The following TRHR variants were observed in gnomAD, a reference collection of about 807,000 sequenced individuals.
TRHR encodes the protein thyrotropin-releasing hormone receptor.
Under a neutral mutation model 28.0 loss-of-function variants are expected in TRHR, and 14 were observed. That is an observed-to-expected ratio of 0.50 (90% CI 0.33 to 0.78). TRHR has a LOEUF of 0.78. Ranked by LOEUF, TRHR falls within the 30% of genes least tolerant of loss-of-function variation. The pLI is 0.02. For missense variants in TRHR, 438 were observed against 469.5 expected (o/e 0.93, Z 0.62); for synonymous variants, 176 against 171.9 (o/e 1.02, Z -0.18).
In TRHR at chr8:109,099,148, C is replaced by T. The variant is rs539040753; in HGVS notation, c.789+10847C>T. 1.1e-3 allele frequency among the ~76,000 whole-genome samples: 165 copies of T among 146,866 alleles called. 2 individuals carry two copies. The South Asian group carries it at 0.029, about 25-fold the overall frequency. ...GAAAGAAATTGTAAGGGAGAGATTA[C>T]AGAGAGACATCAAGAGGAGGAGTTT... On this transcript the variant is annotated intron_variant, in intron 2 of 2. Coordinates refer to ENST00000518632, the MANE Select transcript of TRHR (RefSeq NM_003301.7).
chr8:109,106,405 T>A (rs1245483999), intron 2 of TRHR, among the ~76,000 whole-genome samples: 1 of 152,152 alleles, frequency 6.6e-6, no homozygotes, highest in Non-Finnish European at 1.5e-5. Context: ...CGATCAATAT[T>A]CAGTAATAGG....
At chr8:109,102,961 C>T (rs894880473) in intron 2 of TRHR, among the ~76,000 whole-genome samples, 5 of 151,990 alleles carry the variant, frequency 3.3e-5, no homozygotes, top group Non-Finnish European at 7.4e-5. Flanking sequence ...AGGGACACAC[C>T]CAAAACAGGT....
chr8:109,101,222 A>C (rs1394554571), intron 2 of TRHR, among the ~76,000 whole-genome samples: 1 of 152,186 alleles, frequency 6.6e-6, no homozygotes, highest in East Asian at 1.9e-4. Flanking sequence ...GGCCTAACAG[A>C]ATAAGGTAAA....
intron 2 of TRHR, among the ~76,000 whole-genome samples, chr8:109,104,296 C>T (rs1194846763): frequency 6.6e-6 from 1 of 152,038 alleles, no homozygotes; most frequent in Non-Finnish European, 1.5e-5. Flanking sequence ...CTTTCAAAAG[C>T]ACCAAAAATT....
At chr8:109,100,012 G>A (rs1447838251) in intron 2 of TRHR, among the ~76,000 whole-genome samples, 1 of 152,154 alleles carries the variant, frequency 6.6e-6, no homozygotes, top group Non-Finnish European at 1.5e-5. Context: ...CAGGGTGAAT[G>A]CAGAGCACCC....
At chr8:109,114,928 T>C (rs1467851471) in intron 2 of TRHR, among the ~76,000 whole-genome samples, 1 of 152,004 alleles carries the variant, frequency 6.6e-6, no homozygotes, top group Admixed American at 6.6e-5. Flanking sequence ...TGATACACAG[T>C]AGGGATGCAA....
At chr8:109,114,749 T>A (rs1173215440) in intron 2 of TRHR, among the ~76,000 whole-genome samples, 1 of 152,088 alleles carries the variant, frequency 6.6e-6, no homozygotes, top group East Asian at 1.9e-4. Context: ...CCCCTGCTAA[T>A]GACTTCTCAA....
intron 2 of TRHR, among the ~76,000 whole-genome samples, 187 bp downstream of exon 2, chr8:109,088,488 A>G (rs1191414937): frequency 9.1e-6 from 1 of 109,834 alleles, no homozygotes; most frequent in Non-Finnish European, 2.2e-5. Flanking sequence ...CTAAAAATAG[A>G]TAGGGAAAAT....
At position 109,087,474 on chromosome 8, in the gene TRHR, G is replaced by T; in HGVS notation, c.-39G>T. 6.2e-7 allele frequency: 1 copy of T among 1,611,574 alleles called. No homozygotes were observed. The highest frequency in any genetic ancestry group is 1.1e-5 in the South Asian group (1 of 91,002). The stretch of plus-strand genomic sequence containing the variant: ...GTGGGCGCTGGAAAGAAGATGTTTT[G>T]AGAAGTCAGTGTTTCCGAGAAACTT... On this transcript the variant is annotated 5_prime_UTR_variant, in exon 2 of 3. The change abolishes the stop of an existing upstream ORF in the 5' untranslated region. Transcript: ENST00000518632.
At chr8:109,106,993 A>T (rs1212099241) in intron 2 of TRHR, among the ~76,000 whole-genome samples, 3 of 152,204 alleles carry the variant, frequency 2.0e-5, no homozygotes, top group Admixed American at 1.3e-4. Flanking sequence ...AAATGAATAG[A>T]CAGGGAGACA....
At chr8:109,106,175 T>G (rs1811748654) in intron 2 of TRHR, among the ~76,000 whole-genome samples, 1 of 152,148 alleles carries the variant, frequency 6.6e-6, no homozygotes, top group Non-Finnish European at 1.5e-5. Context: ...TATTGGAGCC[T>G]GCTTATTTCA....
rs138922461 is a variant in TRHR, at chr8:109,088,934, A to G, written c.789+633A>G. On this transcript the variant is annotated intron_variant, in intron 2 of 2. Coordinates refer to ENST00000518632, the MANE Select transcript of TRHR (RefSeq NM_003301.7). ...AGGAAATGTTCCAATAAAAAAGACAACATCAAGCTCAATTTTTCATAAAGA... is the reference window on the plus strand; with the variant it reads ...AGGAAATGTTCCAATAAAAAAGACAGCATCAAGCTCAATTTTTCATAAAGA... Among the ~76,000 whole-genome samples, 3 of 152,288 alleles carry G rather than the reference A, an allele frequency of 2.0e-5. No individual in the cohort carries two copies. In the East Asian group the frequency reaches 5.8e-4, roughly 29 times the overall value.
At chr8:109,116,661 T>A (rs1265089906) in intron 2 of TRHR, among the ~76,000 whole-genome samples, 1 of 152,118 alleles carries the variant, frequency 6.6e-6, no homozygotes, top group Non-Finnish European at 1.5e-5. Context: ...CCCTTTATCA[T>A]TTTTTATTGT....
intron 2 of TRHR, among the ~76,000 whole-genome samples, chr8:109,101,712 C>T (rs1811679700): frequency 6.6e-6 from 1 of 152,030 alleles, no homozygotes; most frequent in Non-Finnish European, 1.5e-5. Context: ...GTACTTGAAG[C>T]GTCTATAAAA....
intron 2 of TRHR, 51 bp from the exon 3 acceptor site, chr8:109,118,997 T>G (rs751565771): frequency 6.2e-7 from 1 of 1,609,486 alleles, no homozygotes; most frequent in Non-Finnish European, 8.5e-7. Context: ...AAGGGGGTTT[T>G]GTTTTGTTTT....
At position 109,087,454 on chromosome 8, in the gene TRHR, C is replaced by T. The variant is rs1457756175; in HGVS notation, c.-59C>T. On this transcript the variant is annotated 5_prime_UTR_variant, in exon 2 of 3. Coordinates refer to ENST00000518632, the MANE Select transcript of TRHR (RefSeq NM_003301.7). ...ATGGAACTGCTGCAATAAAGGTGGG[C>T]GCTGGAAAGAAGATGTTTTGAGAAG... 13 of 1,585,272 alleles carry T rather than the reference C, an allele frequency of 8.2e-6. No homozygotes were observed. The highest frequency in any genetic ancestry group is 3.3e-5 in the South Asian group (3 of 90,230).
intron 2 of TRHR, among the ~76,000 whole-genome samples, chr8:109,111,348 T>C (rs1811827911): frequency 6.6e-6 from 1 of 152,164 alleles, no homozygotes; most frequent in African/African-American, 2.4e-5. Flanking sequence ...AAAATTTAAA[T>C]AGTCATTGAT....
At chr8:109,108,156 G>A (rs1047658428) in intron 2 of TRHR, among the ~76,000 whole-genome samples, 2 of 152,148 alleles carry the variant, frequency 1.3e-5, no homozygotes, top group African/African-American at 2.4e-5. Flanking sequence ...CCAGCTCTAC[G>A]ATGAGGGACT....
chr8:109,098,533 C>CT (rs1465444954), intron 2 of TRHR, among the ~76,000 whole-genome samples: 2 of 152,134 alleles, frequency 1.3e-5, no homozygotes, highest in African/African-American at 4.8e-5. Flanking sequence ...ACTGTGCTGC[C>CT]TGAAATCCTT....
Sources: gnomAD v4.1 joint callset for allele counts (sites outside exome capture counted in the v4.1 genomes callset) on GRCh38, gnomAD v4.1.1 for gene constraint, MANE v1.5 for transcripts, NCBI Gene and HGNC (gene_info 2026-07-23, HGNC 2026-07-21) for gene names.